The following INPP5A variants were observed in gnomAD, a reference collection of about 807,000 sequenced individuals.
INPP5A encodes inositol polyphosphate-5-phosphatase A.
A neutral mutation model predicts 65.2 loss-of-function variants in INPP5A; 14 were observed. The observed-to-expected ratio is 0.21, with a 90% CI of 0.14 to 0.34. INPP5A has a LOEUF of 0.34. Among genes scored for constraint, INPP5A ranks in the 10% least tolerant of loss-of-function variants. The probability of loss-of-function intolerance (pLI) is 1.00; values close to 1 mark genes in which losing one functional copy is unlikely to be tolerated. For missense variants in INPP5A, 431 were observed against 545.6 expected, an observed-to-expected ratio of 0.79 and a Z score of 2.09; for synonymous variants, 207 against 208.3, an observed-to-expected ratio of 0.99 and a Z score of 0.05.
intron 1 of INPP5A, among the ~76,000 whole-genome samples, chr10:132,544,525 G>A (rs1590817352): frequency 6.6e-6 from 1 of 152,080 alleles, no homozygotes; most frequent in Non-Finnish European, 1.5e-5. Context: ...GGGCTCATAA[G>A]CGGCAGGATC....
intron 1 of INPP5A, among the ~76,000 whole-genome samples, chr10:132,577,617 G>A (rs1486721197): frequency 6.6e-6 from 1 of 152,184 alleles, no homozygotes; most frequent in Non-Finnish European, 1.5e-5. Flanking sequence ...GGTGACATAG[G>A]GACCCTTGGA....
chr10:132,756,467 CTACA>C (rs1472525492), intron 11 of INPP5A, among the ~76,000 whole-genome samples: 1 of 152,190 alleles, frequency 6.6e-6, no homozygotes, highest in Non-Finnish European at 1.5e-5. Context: ...CAACAACAGA[CTACA>C]TATGTGACTA....
chr10:132,660,400 G>A (rs2072720040), intron 4 of INPP5A, among the ~76,000 whole-genome samples: 1 of 152,186 alleles, frequency 6.6e-6, no homozygotes, highest in African/African-American at 2.4e-5. Context: ...AGTGTGCCTT[G>A]CAGAACTCGT....
rs755829980 is a variant in INPP5A at position 132,627,906 on chromosome 10, G to A, written c.118-17962G>A. 8.5e-5 allele frequency among the ~76,000 whole-genome samples: 13 copies of A among 152,154 alleles called. No homozygotes were observed. Among genetic ancestry groups the A allele is most frequent in the South Asian group, 2.1e-4 (1 of 4,824 alleles). On this transcript the variant is annotated intron_variant, in intron 2 of 15. Transcript: ENST00000368594. This position sits in a 1 kb window ranked among gnomAD's most constrained non-coding sequence, Gnocchi z 6.6. Reference sequence around the variant, plus strand: ...GAGGTGCCCAGGCTGGAGTGGCGGCGTCGGGTGTGGAGAGAAACTGGAGAT... The same window carrying A: ...GAGGTGCCCAGGCTGGAGTGGCGGCATCGGGTGTGGAGAGAAACTGGAGAT...
chr10:132,632,431 G>C (rs1368293518), intron 2 of INPP5A, among the ~76,000 whole-genome samples: 1 of 152,230 alleles, frequency 6.6e-6, no homozygotes, highest in Non-Finnish European at 1.5e-5. Flanking sequence ...TCCAGCCTGT[G>C]CTGAGCCTGG....
chr10:132,637,641 G>A lies in INPP5A; in HGVS notation c.118-8227G>A, dbSNP rs2072374644. Among the ~76,000 whole-genome samples the A allele has an allele frequency of 6.6e-6, 1 of 152,162 alleles. No individual in the cohort carries two copies. The highest frequency in any genetic ancestry group is 1.5e-5 in the Non-Finnish European group (1 of 68,012). ...CCTTCCAGTGACTCTCCTGGCGCCT[G>A]CTGTGGCTGTCCTCCTCTGTCATGA... On this transcript the variant is annotated intron_variant, in intron 2 of 15. Transcript: ENST00000368594. The surrounding 1 kb of genome is among the most constrained non-coding windows in gnomAD (Gnocchi z 4.1).
intron 4 of INPP5A, among the ~76,000 whole-genome samples, chr10:132,665,884 A>G (rs536725980): frequency 2.0e-5 from 3 of 152,048 alleles, no homozygotes; most frequent in Non-Finnish European, 4.4e-5. Context: ...GGGAAACCCC[A>G]TCTCTACTGA....
At chr10:132,760,493 C>T (rs1447767773) in intron 11 of INPP5A, among the ~76,000 whole-genome samples, 2 of 152,268 alleles carry the variant, frequency 1.3e-5, no homozygotes, top group Non-Finnish European at 2.9e-5. Flanking sequence ...AGGACTGCGT[C>T]CCCCACAGCT....
chr10:132,586,808 T>C (rs2071550503), intron 1 of INPP5A, among the ~76,000 whole-genome samples: 1 of 152,222 alleles, frequency 6.6e-6, no homozygotes, highest in African/African-American at 2.4e-5. Context: ...GAAAGAAACA[T>C]GCATGCATGT....
rs538157759 is a variant in INPP5A at position 132,741,275 on chromosome 10, G to A, written c.733-8242G>A. 5.9e-5 allele frequency among the ~76,000 whole-genome samples: 9 copies of A among 152,284 alleles called. No individual in the cohort carries two copies. Among genetic ancestry groups the A allele is most frequent in the Admixed American group, 2.0e-4 (3 of 15,300 alleles). On this transcript the variant is annotated intron_variant, in intron 9 of 15. Transcript: ENST00000368594. This position sits in a 1 kb window ranked among gnomAD's most constrained non-coding sequence, Gnocchi z 4.4. Reference sequence around the variant, plus strand: ...AGAGATAAATAAAAAAAGGGACACCGCCTGTCTTGGGTTGACAGCATGAGA... The same window carrying A: ...AGAGATAAATAAAAAAAGGGACACCACCTGTCTTGGGTTGACAGCATGAGA...
intron 2 of INPP5A, among the ~76,000 whole-genome samples, chr10:132,636,163 ATGTGTGTG>A (rs59663030): frequency 6.7e-6 from 1 of 149,614 alleles, no homozygotes; most frequent in Non-Finnish European, 1.5e-5. Context: ...GATAAACAAA[ATGTGTGTG>A]TGTGTGTGTG....
chr10:132,634,356 CG>C (rs2072313362), intron 2 of INPP5A, among the ~76,000 whole-genome samples: 1 of 145,382 alleles, frequency 6.9e-6, no homozygotes, highest in Non-Finnish European at 1.5e-5. Context: ...CCCGGAGAGG[CG>C]TATCATCTCC....
chr10:132,735,201 C>T (rs1471856638), intron 9 of INPP5A, among the ~76,000 whole-genome samples: 1 of 152,204 alleles, frequency 6.6e-6, no homozygotes, highest in African/African-American at 2.4e-5. Flanking sequence ...CACGTTGGTA[C>T]CTGCAGTCTG....
intron 1 of INPP5A, among the ~76,000 whole-genome samples, chr10:132,594,370 G>A (rs574138528): frequency 2.6e-5 from 4 of 152,308 alleles, no homozygotes; most frequent in East Asian, 1.9e-4. Flanking sequence ...CCATCACTGC[G>A]GAACGTACTG....
At chr10:132,734,206 A>G (rs1210979458) in intron 9 of INPP5A, among the ~76,000 whole-genome samples, 1 of 152,086 alleles carries the variant, frequency 6.6e-6, no homozygotes, top group Non-Finnish European at 1.5e-5. Flanking sequence ...ACGCAGAAGC[A>G]TCACCTCTGG....
intron 6 of INPP5A, among the ~76,000 whole-genome samples, chr10:132,700,328 G>A (rs1156495383): frequency 6.6e-6 from 1 of 152,216 alleles, no homozygotes; most frequent in African/African-American, 2.4e-5. Flanking sequence ...TGGTGGCTGG[G>A]ACGGGGGGCC....
chr10:132,610,728 GC>G (rs1227086569), intron 2 of INPP5A, among the ~76,000 whole-genome samples: 2 of 152,246 alleles, frequency 1.3e-5, no homozygotes, highest in Non-Finnish European at 2.9e-5. Context: ...GGCCGTGGCA[GC>G]TTCTCTGCTC....
At chr10:132,566,067 CAT>C (rs938952565) in intron 1 of INPP5A, among the ~76,000 whole-genome samples, 11 of 152,046 alleles carry the variant, frequency 7.2e-5, no homozygotes, top group Non-Finnish European at 1.0e-4. Context: ...CACCTGGCCA[CAT>C]GTGTGGTCGT....
intron 1 of INPP5A, among the ~76,000 whole-genome samples, chr10:132,601,115 C>CCACCAGCAGTGCA (rs2071771327): frequency 6.6e-6 from 1 of 152,200 alleles, no homozygotes. Flanking sequence ...CACAAGGGTC[C>CCACCAGCAGTGCA]CATTTCTCCA....
Sources: gnomAD v4.1 joint callset for allele counts (sites outside exome capture counted in the v4.1 genomes callset) on GRCh38, gnomAD v4.1.1 for gene constraint, Gnocchi (gnomAD v3.1) non-coding constraint, MANE v1.5 for transcripts, NCBI Gene and HGNC (gene_info 2026-07-23, HGNC 2026-07-21) for gene names.